FBXO42: variants seen among roughly 807,000 people sequenced by gnomAD.
The protein encoded by FBXO42 is F-box protein 42, also known as F-box only protein 42.
FBXO42 carries 12 observed loss-of-function variants against 71.7 expected under a neutral mutation model. The ratio of observed to expected loss-of-function variants is 0.17; its 90% confidence interval spans 0.11 to 0.27. The LOEUF is 0.27. FBXO42 is among the 10% of genes least tolerant of loss of function. FBXO42 has a pLI of 1.00. For missense variants in FBXO42, 707 were observed against 911.9 expected (o/e 0.78, Z 2.89); for synonymous variants, 325 against 327.5 (o/e 0.99, Z 0.08).
chr1:16,298,789 C>T (rs1298465646), intron 3 of FBXO42, among the ~76,000 whole-genome samples: 4 of 152,056 alleles, frequency 2.6e-5, no homozygotes, highest in South Asian at 4.1e-4. Flanking sequence ...AGATTATAGG[C>T]GTGAGCCACC....
intron 1 of FBXO42, among the ~76,000 whole-genome samples, chr1:16,343,894 G>A (rs1284052530): frequency 2.0e-5 from 3 of 150,226 alleles, no homozygotes; most frequent in African/African-American, 4.9e-5. Context: ...CAGGAGGATC[G>A]CTTGAGCCAG....
intron 4 of FBXO42, among the ~76,000 whole-genome samples, chr1:16,282,295 G>A (rs1242068055): frequency 7.4e-5 from 11 of 149,610 alleles, no homozygotes; most frequent in Admixed American, 6.7e-4. Context: ...GCGCGATCTC[G>A]GCTCACTGCA....
At chr1:16,296,657 A>C (rs1469109510) in intron 3 of FBXO42, among the ~76,000 whole-genome samples, 2 of 151,758 alleles carry the variant, frequency 1.3e-5, no homozygotes, top group African/African-American at 4.8e-5. Context: ...CTCAAAAAAA[A>C]AAAAAAAAAA....
chr1:16,336,449 C>T (rs1037707055), intron 1 of FBXO42, among the ~76,000 whole-genome samples: 6 of 151,706 alleles, frequency 4.0e-5, no homozygotes, highest in African/African-American at 1.5e-4. Context: ...ACCTCCACCT[C>T]CTGGGTTAAA....
At chr1:16,311,415 G>A (rs971656272) in intron 2 of FBXO42, among the ~76,000 whole-genome samples, 13 of 147,362 alleles carry the variant, frequency 8.8e-5, no homozygotes, top group African/African-American at 3.2e-4. Flanking sequence ...TTGAGTCCAG[G>A]AAGTCAAGGC....
chr1:16,297,322 A>G (rs1285320074), intron 3 of FBXO42, among the ~76,000 whole-genome samples: 1 of 152,114 alleles, frequency 6.6e-6, no homozygotes, highest in African/African-American at 2.4e-5. Flanking sequence ...AGGCCAAGTC[A>G]GAAAACTGAG....
chr1:16,263,399 C>T (rs1045382846), intron 4 of FBXO42, among the ~76,000 whole-genome samples: 2 of 151,874 alleles, frequency 1.3e-5, no homozygotes, highest in Admixed American at 6.6e-5. Flanking sequence ...GCCAAGATCA[C>T]GTCACTGCAC....
intron 3 of FBXO42, among the ~76,000 whole-genome samples, chr1:16,305,570 C>T (rs1166207725): frequency 6.6e-6 from 1 of 151,878 alleles, no homozygotes; most frequent in Non-Finnish European, 1.5e-5. Flanking sequence ...AAAAGTTAAC[C>T]AGGTGTGATG....
chr1:16,318,995 T>G (rs1283194367), intron 1 of FBXO42, among the ~76,000 whole-genome samples: 5 of 152,140 alleles, frequency 3.3e-5, no homozygotes, highest in African/African-American at 1.2e-4. Context: ...AGGGATAATT[T>G]TATTATTTTT....
chr1:16,327,486 G>A (rs1314227697), intron 1 of FBXO42, among the ~76,000 whole-genome samples: 2 of 152,110 alleles, frequency 1.3e-5, no homozygotes, highest in South Asian at 4.1e-4. Flanking sequence ...ACTTTTAATC[G>A]TGGTAAGTCC....
At chr1:16,301,053 C>A (rs1461392960) in intron 3 of FBXO42, among the ~76,000 whole-genome samples, 3 of 151,950 alleles carry the variant, frequency 2.0e-5, no homozygotes, top group Non-Finnish European at 4.4e-5. Context: ...GTGCGCCCAC[C>A]ACGCCCAGCT....
intron 4 of FBXO42, among the ~76,000 whole-genome samples, chr1:16,287,839 T>A (rs1172906644): frequency 6.6e-6 from 1 of 151,904 alleles, no homozygotes; most frequent in Non-Finnish European, 1.5e-5. Context: ...ATCCCAGCAC[T>A]TTGGGAAGCC....
chr1:16,320,418 C>T (rs2082402728), intron 1 of FBXO42, among the ~76,000 whole-genome samples: 4 of 150,680 alleles, frequency 2.7e-5, no homozygotes, highest in Admixed American at 6.7e-5. Flanking sequence ...AATATCACTT[C>T]CCATAGTCCC....
At chr1:16,282,774 A>G (rs1465400470) in intron 4 of FBXO42, among the ~76,000 whole-genome samples, 1 of 151,886 alleles carries the variant, frequency 6.6e-6, no homozygotes, top group African/African-American at 2.4e-5. Flanking sequence ...TGAGGTCAGG[A>G]GTTCGAGACC....
At chr1:16,275,410 G>GAGTGC (rs1289433043) in intron 4 of FBXO42, among the ~76,000 whole-genome samples, 2 of 152,168 alleles carry the variant, frequency 1.3e-5, no homozygotes, top group African/African-American at 4.8e-5. Context: ...TTGAGGCTAG[G>GAGTGC]AGTGCAAGAC....
At chr1:16,274,872 G>A (rs1250224434) in intron 4 of FBXO42, among the ~76,000 whole-genome samples, 6 of 151,778 alleles carry the variant, frequency 4.0e-5, no homozygotes, top group Non-Finnish European at 8.8e-5. Context: ...TTACAGGCGT[G>A]AGCCACCATG....
chr1:16,250,867 C>T lies in FBXO42; in HGVS notation c.1957G>A (p.Asp653Asn). 6.2e-7 allele frequency: 1 copy of T among 1,614,140 alleles called. No individual in the cohort carries two copies. The highest frequency in any genetic ancestry group is 1.1e-5 in the South Asian group (1 of 91,080). The change falls in exon 10 of 10, where the codon GAC becomes AAC. Residue 653 changes from aspartate (D) to asparagine (N), a missense_variant. By Grantham distance (23) the Asp-to-Asn change is conservative (BLOSUM62 1). This residue lies in a region of FBXO42 where 482 missense variants were observed against 587.1 expected (regional missense o/e 0.82). Coordinates refer to ENST00000375592, the MANE Select transcript of FBXO42 (RefSeq NM_018994.3). This position sits in a 1 kb window ranked among gnomAD's most constrained non-coding sequence, Gnocchi z 4.7. ...PMQMYVLDIK[D>N]TKEKGRVKWK... ...TTGACCCGCCCCTTCTCCTTGGTGT[C>T]TTTAATGTCCAGCACGTACATCTGC...
chr1:16,308,274 T>TCCAG (rs1399707659), intron 2 of FBXO42, among the ~76,000 whole-genome samples: 1 of 151,994 alleles, frequency 6.6e-6, no homozygotes, highest in Non-Finnish European at 1.5e-5. Context: ...AGCCACTGTG[T>TCCAG]CCAGCCTTTA....
chr1:16,325,144 G>A (rs1368884555), intron 1 of FBXO42, among the ~76,000 whole-genome samples: 1 of 151,968 alleles, frequency 6.6e-6, no homozygotes, highest in Admixed American at 6.6e-5. Context: ...AGGCTGAGGT[G>A]GGAGGATCTC....
Sources: gnomAD v4.1 joint callset for allele counts (sites outside exome capture counted in the v4.1 genomes callset) on GRCh38, gnomAD v4.1.1 for gene constraint, gnomAD v4.1.1 regional missense constraint, Gnocchi (gnomAD v3.1) non-coding constraint, MANE v1.5 for transcripts, NCBI Gene and HGNC (gene_info 2026-07-23, HGNC 2026-07-21) for gene names.